The following ROBO1 variants were observed in gnomAD, a reference collection of about 807,000 sequenced individuals.
ROBO1 encodes roundabout homolog 1.
In ROBO1, 149 loss-of-function variants were observed where a neutral mutation model predicts 195.9. The ratio of observed to expected loss-of-function variants is 0.76; its 90% CI spans 0.67 to 0.87. The LOEUF is 0.87. Ranked by LOEUF, ROBO1 falls within the 40% of genes least tolerant of loss-of-function variation. ROBO1 has a pLI of 0.00. For missense variants in ROBO1, 1,933 were observed against 2,068.3 expected (o/e 0.93, Z 1.27); for synonymous variants, 816 against 733.2 (o/e 1.11, Z -1.82).
chr3:79,356,754 G>A (rs924559872), intron 2 of ROBO1, among the ~76,000 whole-genome samples: 2 of 152,116 alleles, frequency 1.3e-5, no homozygotes, highest in East Asian at 1.9e-4. Context: ...ATGTGCTAGT[G>A]TGTAGTTTGT....
At chr3:79,349,168 C>G (rs1048954151) in intron 2 of ROBO1, among the ~76,000 whole-genome samples, 1 of 152,130 alleles carries the variant, frequency 6.6e-6, no homozygotes, top group Admixed American at 6.6e-5. Flanking sequence ...TAATTTATAA[C>G]CAGCATCTAA....
intron 21 of ROBO1, 114 bp downstream of exon 21, chr3:78,646,034 A>G: frequency 3.3e-6 from 3 of 916,752 alleles, no homozygotes; most frequent in Non-Finnish European, 5.2e-6. Flanking sequence ...CAAGGAACTA[A>G]ATAAATTCCA....
At chr3:79,460,325 G>A (rs1937590151) in intron 2 of ROBO1, among the ~76,000 whole-genome samples, 1 of 152,140 alleles carries the variant, frequency 6.6e-6, no homozygotes, top group African/African-American at 2.4e-5. Flanking sequence ...CATGTAACAT[G>A]TGGCCCAATT....
At chr3:78,671,276 G>T (rs189774470) in intron 10 of ROBO1, among the ~76,000 whole-genome samples, 1 of 151,604 alleles carries the variant, frequency 6.6e-6, no homozygotes, top group Admixed American at 6.6e-5. Context: ...CCTGACTTAG[G>T]CAATTTATAT....
chr3:78,825,719 T>G (rs1361386020), intron 4 of ROBO1, among the ~76,000 whole-genome samples: 1 of 152,146 alleles, frequency 6.6e-6, no homozygotes, highest in African/African-American at 2.4e-5. Flanking sequence ...TGTTTCAAAT[T>G]CAAGAAACTG....
intron 5 of ROBO1, among the ~76,000 whole-genome samples, chr3:78,732,018 C>T (rs1045133484): frequency 1.3e-5 from 2 of 151,984 alleles, no homozygotes; most frequent in African/African-American, 4.8e-5. Context: ...TTTTTAACGT[C>T]GAAAACATTC....
At chr3:79,117,650 G>T (rs1048295261) in intron 3 of ROBO1, among the ~76,000 whole-genome samples, 2 of 152,124 alleles carry the variant, frequency 1.3e-5, no homozygotes, top group African/African-American at 2.4e-5. Context: ...TAATACCCAC[G>T]TATATCACTG....
chr3:79,090,665 C>G (rs1012884947), intron 3 of ROBO1, among the ~76,000 whole-genome samples: 1 of 152,096 alleles, frequency 6.6e-6, no homozygotes, highest in African/African-American at 2.4e-5. Context: ...GGCCTAACCT[C>G]TCTATACCTC....
chr3:79,497,760 T>C (rs982442838), intron 2 of ROBO1, among the ~76,000 whole-genome samples: 4 of 152,354 alleles, frequency 2.6e-5, no homozygotes, highest in Admixed American at 2.6e-4. Context: ...AGTTTACTAT[T>C]ACAATTTTAA....
intron 4 of ROBO1, among the ~76,000 whole-genome samples, chr3:78,759,709 T>A (rs191842823): frequency 6.6e-6 from 1 of 152,336 alleles, no homozygotes; most frequent in Non-Finnish European, 1.5e-5. Flanking sequence ...TGTTAATTAT[T>A]GTAACACAGT....
At chr3:79,405,658 A>G (rs2106813600) in intron 2 of ROBO1, among the ~76,000 whole-genome samples, 1 of 152,306 alleles carries the variant, frequency 6.6e-6, no homozygotes, top group South Asian at 2.1e-4. Context: ...TCACTGGATA[A>G]AAAAGGGATG....
At chr3:78,850,658 G>C (rs2033997165) in intron 4 of ROBO1, among the ~76,000 whole-genome samples, 1 of 152,126 alleles carries the variant, frequency 6.6e-6, no homozygotes, top group Non-Finnish European at 1.5e-5. Context: ...GCCATGTGAT[G>C]AGATAACCTC....
intron 3 of ROBO1, among the ~76,000 whole-genome samples, chr3:78,955,542 C>G (rs1329148739): frequency 6.6e-6 from 1 of 151,960 alleles, no homozygotes; most frequent in African/African-American, 2.4e-5. Context: ...TTTATGAGTT[C>G]TTTGTCTAAA....
Position 79,743,654 on chromosome 3 carries a change from A to G in ROBO1, c.-51+24098T>C, listed in dbSNP as rs564952004. On this transcript the variant is annotated intron_variant, in intron 1 of 30. Transcript: ENST00000464233. ...TCTTTTGTAACAACATTTAGCTTAAACACACACATTCTACAGCTACACAAA... is the reference window on the plus strand; with the variant it reads ...TCTTTTGTAACAACATTTAGCTTAAGCACACACATTCTACAGCTACACAAA... 5.3e-5 allele frequency among the ~76,000 whole-genome samples: 8 copies of G among 152,332 alleles called. No homozygotes were observed. The East Asian group carries it at 1.2e-3, about 22-fold the overall frequency.
intron 2 of ROBO1, among the ~76,000 whole-genome samples, chr3:79,222,774 A>C (rs1459388918): frequency 1.3e-5 from 2 of 152,174 alleles, no homozygotes; most frequent in Non-Finnish European, 2.9e-5. Context: ...AATATAAATT[A>C]GAAAAATACT....
intron 2 of ROBO1, among the ~76,000 whole-genome samples, chr3:79,472,540 G>C (rs1431726854): frequency 2.6e-5 from 4 of 152,176 alleles, no homozygotes; most frequent in African/African-American, 9.7e-5. Context: ...GATGAGAGAA[G>C]AGGTACTACT....
At chr3:79,182,804 G>T (rs2081366618) in intron 2 of ROBO1, among the ~76,000 whole-genome samples, 1 of 152,134 alleles carries the variant, frequency 6.6e-6, no homozygotes, top group African/African-American at 2.4e-5. Flanking sequence ...CATAGGCCGG[G>T]TGTAGTGGCT....
rs548604222 is a variant in ROBO1 at position 78,834,740 on chromosome 3, T to C, written c.500-87840A>G. 3.9e-5 allele frequency among the ~76,000 whole-genome samples: 6 copies of C among 152,208 alleles called. No homozygotes were observed. The South Asian group carries it at 1.0e-3, about 26-fold the overall frequency. Reference sequence around the variant, plus strand: ...TGTCTAACCAAGCTGACCTGAGGGGTTGACCTGGTTTTCAACTGAAGTAGC... The same window carrying C: ...TGTCTAACCAAGCTGACCTGAGGGGCTGACCTGGTTTTCAACTGAAGTAGC... On this transcript the variant is annotated intron_variant, in intron 4 of 30. Coordinates refer to ENST00000464233, the MANE Select transcript of ROBO1 (RefSeq NM_002941.4).
At chr3:79,053,218 A>G (rs1336637504) in intron 3 of ROBO1, among the ~76,000 whole-genome samples, 2 of 151,064 alleles carry the variant, frequency 1.3e-5, no homozygotes, top group African/African-American at 4.9e-5. Flanking sequence ...GAATCTGACG[A>G]CCCTCCACCT....
Sources: gnomAD v4.1 joint callset for allele counts (sites outside exome capture counted in the v4.1 genomes callset) on GRCh38, gnomAD v4.1.1 for gene constraint, MANE v1.5 for transcripts, NCBI Gene and HGNC (gene_info 2026-07-23, HGNC 2026-07-21) for gene names.